Variants in RIMBP2 observed in about 807,000 individuals in gnomAD.
RIMBP2 encodes RIMS binding protein 2, also known as RIMS-binding protein 2.
In RIMBP2, 48 loss-of-function variants were observed where a neutral mutation model predicts 118.6. That is an observed-to-expected ratio of 0.40 (90% CI 0.32 to 0.51). The LOEUF (loss-of-function observed/expected upper bound fraction) is 0.51, where lower values mean the gene tolerates loss of function less well. RIMBP2 is among the 20% of genes least tolerant of loss of function. The pLI, the probability that RIMBP2 is intolerant of heterozygous loss-of-function variation, is 0.41. For missense variants in RIMBP2, 1,551 were observed against 1,768.3 expected, an observed-to-expected ratio of 0.88 and a Z score of 2.20; for synonymous variants, 762 against 742.9, an observed-to-expected ratio of 1.03 and a Z score of -0.42.
intron 4 of RIMBP2, among the ~76,000 whole-genome samples, chr12:130,496,916 G>C (rs540490352): frequency 3.3e-5 from 5 of 152,172 alleles, no homozygotes; most frequent in African/African-American, 1.2e-4. Context: ...TACACTGGGG[G>C]CTTAAAACAA....
At chr12:130,492,061 G>A (rs1198506685) in intron 4 of RIMBP2, among the ~76,000 whole-genome samples, 1 of 152,168 alleles carries the variant, frequency 6.6e-6, no homozygotes, top group African/African-American at 2.4e-5. Flanking sequence ...CCTGAGCGAA[G>A]AAATTAAGGA....
At chr12:130,489,114 A>G (rs10773787) in intron 4 of RIMBP2, among the ~76,000 whole-genome samples, 78,219 of 152,084 alleles carry the variant, frequency 0.51, 21,930 homozygotes, top group Non-Finnish European at 0.62. Flanking sequence ...GCATACAACT[A>G]AACAATTAAA....
chr12:130,537,370 C>G (rs11060981), intron 2 of RIMBP2, among the ~76,000 whole-genome samples: 1 of 152,290 alleles, frequency 6.6e-6, no homozygotes, highest in African/African-American at 2.4e-5. Context: ...CCACTGGCAG[C>G]GTAAGACAGG....
At chr12:130,709,545 C>T (rs1349578224) in intron 1 of RIMBP2, among the ~76,000 whole-genome samples, 2 of 152,200 alleles carry the variant, frequency 1.3e-5, no homozygotes, top group Non-Finnish European at 2.9e-5. Context: ...AGTCAAGGCA[C>T]GTTTCCCAAG....
chr12:130,443,200 G>C (rs1364373749), intron 10 of RIMBP2, among the ~76,000 whole-genome samples: 1 of 150,700 alleles, frequency 6.6e-6, no homozygotes, highest in Non-Finnish European at 1.5e-5. Context: ...CCAATTTGAT[G>C]TGAAACAAAA....
At chr12:130,587,234 C>G (rs1276987587) in intron 2 of RIMBP2, among the ~76,000 whole-genome samples, 1 of 141,238 alleles carries the variant, frequency 7.1e-6, no homozygotes, top group African/African-American at 2.6e-5. Flanking sequence ...GTTGGTGGGA[C>G]TGTAAACTAG....
rs118070571 is a variant in RIMBP2 at position 130,422,699 on chromosome 12, A to G, written c.3130-138T>C. 1.1e-3 allele frequency: 686 copies of G among 646,008 alleles called. 4 individuals are homozygous for G. The East Asian group carries it at 0.015, about 14-fold the overall frequency. 40.0% of individuals were successfully genotyped at this position (646,008 alleles called of 1,614,324 possible). ...TAGCTTTTAACTGAAAGGTTAGCTG[A>G]ATGGCCTGGGAGAGAACAAAGCCGG... On this transcript the variant is annotated intron_variant, in intron 16 of 22. Transcript: ENST00000690449. This position sits in a 1 kb window ranked among gnomAD's most constrained non-coding sequence, Gnocchi z 5.2.
At chr12:130,648,700 A>C (rs1394000532) in intron 1 of RIMBP2, among the ~76,000 whole-genome samples, 2 of 138,904 alleles carry the variant, frequency 1.4e-5, no homozygotes, top group Non-Finnish European at 3.2e-5. Flanking sequence ...CTTGTTGCCC[A>C]GGCTGGAGTG....
intron 19 of RIMBP2, among the ~76,000 whole-genome samples, chr12:130,408,430 GAGA>G (rs1565987672): frequency 6.6e-6 from 1 of 152,234 alleles, no homozygotes; most frequent in East Asian, 1.9e-4. Context: ...AGCGGCCGTA[GAGA>G]AGATCCCAGC....
At chr12:130,401,527 C>G (rs1202034163) in intron 21 of RIMBP2, among the ~76,000 whole-genome samples, 2 of 151,886 alleles carry the variant, frequency 1.3e-5, no homozygotes, top group Non-Finnish European at 2.9e-5. Flanking sequence ...ACACTCACTG[C>G]CCTGCCCCGC....
At chr12:130,505,099 C>A (rs2138771873) in intron 4 of RIMBP2, among the ~76,000 whole-genome samples, 1 of 152,296 alleles carries the variant, frequency 6.6e-6, no homozygotes, top group East Asian at 1.9e-4. Context: ...AACTCACAGT[C>A]ATCGAGGCAG....
chr12:130,527,069 G>C (rs1188527347), intron 2 of RIMBP2, among the ~76,000 whole-genome samples: 1 of 152,086 alleles, frequency 6.6e-6, no homozygotes. Flanking sequence ...GGTTAAGGCC[G>C]AGGGCAGTCA....
intron 2 of RIMBP2, among the ~76,000 whole-genome samples, chr12:130,595,812 C>T (rs560848369): frequency 6.6e-6 from 1 of 152,302 alleles, no homozygotes; most frequent in South Asian, 2.1e-4. Flanking sequence ...CAGCATGATG[C>T]CTTCAGCCAG....
intron 2 of RIMBP2, among the ~76,000 whole-genome samples, chr12:130,520,378 C>T (rs2051953564): frequency 6.6e-6 from 1 of 152,082 alleles, no homozygotes; most frequent in Non-Finnish European, 1.5e-5. Flanking sequence ...ATACCACTTA[C>T]TATACTGGGC....
At chr12:130,530,690 T>C (rs1329010153) in intron 2 of RIMBP2, among the ~76,000 whole-genome samples, 1 of 152,112 alleles carries the variant, frequency 6.6e-6, no homozygotes, top group Non-Finnish European at 1.5e-5. Flanking sequence ...CAATGAAAAA[T>C]ATTTGATTGC....
At chr12:130,536,794 G>A (rs1392611952) in intron 2 of RIMBP2, among the ~76,000 whole-genome samples, 2 of 152,204 alleles carry the variant, frequency 1.3e-5, no homozygotes, top group Non-Finnish European at 2.9e-5. Context: ...GAGAGGAACA[G>A]CAACTTTGCA....
chr12:130,442,529 C>A lies in RIMBP2; in HGVS notation c.823G>T (p.Gly275Cys), dbSNP rs141670010. The change falls in exon 11 of 23, where the codon GGC (glycine) becomes TGC (cysteine). Residue 275 changes from glycine (G) to cysteine (C), a missense_variant. Around this residue, in one of 5 missense-constraint regions of RIMBP2, gnomAD observed 265 missense variants for 349.5 expected, o/e 0.76. Transcript: ENST00000690449. The surrounding 1 kb of genome is among the most constrained non-coding windows in gnomAD (Gnocchi z 6.9). The stretch of plus-strand genomic sequence containing the variant: ...TCCAGGATGTGCTCTCCCTCCAGGC[C>A]GATGCCGGAATGGTTGATGAAGTTC... ...DQNFINHSGI[G>C]LEGEHILDLH... The A allele has an allele frequency of 1.2e-6, 2 of 1,614,172 alleles. No individual in the cohort carries two copies. The highest frequency in any genetic ancestry group is 1.7e-6 in the Non-Finnish European group (2 of 1,180,042).
Position 130,475,732 on chromosome 12 carries a change from G to A in RIMBP2, c.102+3180C>T, listed in dbSNP as rs1361782548. On this transcript the variant is annotated intron_variant, in intron 5 of 22. Transcript: ENST00000690449. The surrounding 1 kb of genome is among the most constrained non-coding windows in gnomAD (Gnocchi z 4.1). Reference sequence around the variant, plus strand: ...AACAAAGGAATGATGGGTACACAGAGAAGTAAGACAACAAGCAAACAAAAA... The same window carrying A: ...AACAAAGGAATGATGGGTACACAGAAAAGTAAGACAACAAGCAAACAAAAA... Among the ~76,000 whole-genome samples the A allele has an allele frequency of 6.6e-6, 1 of 152,072 alleles. No individual in the cohort carries two copies. The highest frequency in any genetic ancestry group is 1.5e-5 in the Non-Finnish European group (1 of 68,020).
chr12:130,698,573 T>A (rs2065684846), intron 1 of RIMBP2, among the ~76,000 whole-genome samples: 1 of 152,170 alleles, frequency 6.6e-6, no homozygotes, highest in Non-Finnish European at 1.5e-5. Flanking sequence ...CTGGCCAATA[T>A]GGTGAAACAC....
Sources: gnomAD v4.1 joint callset for allele counts (sites outside exome capture counted in the v4.1 genomes callset) on GRCh38, gnomAD v4.1.1 for gene constraint, gnomAD v4.1.1 regional missense constraint, Gnocchi (gnomAD v3.1) non-coding constraint, MANE v1.5 for transcripts, NCBI Gene and HGNC (gene_info 2026-07-23, HGNC 2026-07-21) for gene names.